The following OPCML variants were observed in gnomAD, a reference collection of about 807,000 sequenced individuals.
The protein encoded by OPCML is opioid binding protein/cell adhesion molecule like.
A neutral mutation model predicts 37.8 loss-of-function variants in OPCML; 13 were observed. The observed-to-expected ratio is 0.34, with a 90% CI of 0.22 to 0.55. The LOEUF (loss-of-function observed/expected upper bound fraction) is 0.55. OPCML is among the 20% of genes least tolerant of loss of function. The pLI is 0.91. For missense variants in OPCML, 341 were observed against 435.6 expected, an observed-to-expected ratio of 0.78 and a Z score of 1.93; for synonymous variants, 176 against 168.8, an observed-to-expected ratio of 1.04 and a Z score of -0.33.
At chr11:132,818,809 G>A (rs1173820993) in intron 2 of OPCML, among the ~76,000 whole-genome samples, 6 of 149,814 alleles carry the variant, frequency 4.0e-5, no homozygotes, top group Non-Finnish European at 7.4e-5. Flanking sequence ...CATAGCATTA[G>A]GAGATATACC....
intron 2 of OPCML, among the ~76,000 whole-genome samples, chr11:132,905,712 A>C (rs893295280): frequency 6.6e-6 from 1 of 152,194 alleles, no homozygotes; most frequent in Non-Finnish European, 1.5e-5. Context: ...TAAAAAAAAA[A>C]AGTGAGCCCT....
chr11:132,739,996 TTCCCCCACCCTG>T (rs1945386129), intron 2 of OPCML, among the ~76,000 whole-genome samples: 1 of 152,186 alleles, frequency 6.6e-6, no homozygotes, highest in South Asian at 2.1e-4. Flanking sequence ...GTCTATCTGT[TTCCCCCACCCTG>T]TGCAAAAAAG....
chr11:133,479,549 C>T (rs1296436458), intron 1 of OPCML, among the ~76,000 whole-genome samples: 1 of 152,204 alleles, frequency 6.6e-6, no homozygotes, highest in Non-Finnish European at 1.5e-5. Context: ...CTTTGCTGTG[C>T]ACACAGGCCC....
chr11:133,244,965 G>A (rs569104447), intron 1 of OPCML, among the ~76,000 whole-genome samples: 3 of 152,362 alleles, frequency 2.0e-5, no homozygotes, highest in South Asian at 2.1e-4. Flanking sequence ...CAGGCAACAG[G>A]CAGACAGGCC....
Position 133,442,726 on chromosome 11 carries a change from CGTGTGT to C in OPCML, c.61+89532_61+89537del, listed in dbSNP as rs371441649. ...GATTGCAAAAGCAAACATATTTAAA[CGTGTGT>C]GTGTGTGTGTGTGTGTGTGTGTGTG... On this transcript the variant is annotated intron_variant, in intron 1 of 7. Coordinates refer to ENST00000524381, the MANE Select transcript of OPCML (RefSeq NM_001012393.5). Among the ~76,000 whole-genome samples, 672 of 141,446 alleles carry C rather than the reference CGTGTGT, an allele frequency of 4.8e-3. 9 individuals are homozygous for C. The highest frequency in any genetic ancestry group is 0.016 in the African/African-American group (596 of 38,426). 92.8% of individuals were successfully genotyped at this position (141,446 alleles called of 152,430 possible). A position where few individuals can be genotyped will look rare whatever the true frequency, so the allele number is the denominator to read the frequency against.
At position 133,530,882 on chromosome 11, in the gene OPCML, T is replaced by C. The variant is rs1591605510; in HGVS notation, c.61+1382A>G. ...TTTCACTTTGGCATCTTAGGACTAC[T>C]CAGGGAATTATATTATTAAAAACAA... On this transcript the variant is annotated intron_variant, in intron 1 of 7. Transcript: ENST00000524381. 2.0e-5 allele frequency among the ~76,000 whole-genome samples: 3 copies of C among 152,314 alleles called. No individual in the cohort carries two copies. The Middle Eastern group carries it at 0.01, about 518-fold the overall frequency.
intron 2 of OPCML, among the ~76,000 whole-genome samples, chr11:132,935,239 T>TTGAGAAAA (rs1429565730): frequency 6.6e-6 from 1 of 152,200 alleles, no homozygotes; most frequent in Non-Finnish European, 1.5e-5. Flanking sequence ...AGAAATATCT[T>TTGAGAAAA]TGAGAAAATG....
chr11:132,649,501 C>G (rs879787782), intron 3 of OPCML, among the ~76,000 whole-genome samples: 1 of 151,892 alleles, frequency 6.6e-6, no homozygotes, highest in African/African-American at 2.4e-5. Flanking sequence ...GCGCAGGGGG[C>G]GGGGCAGGTG....
intron 1 of OPCML, among the ~76,000 whole-genome samples, chr11:133,227,162 C>T (rs1310597534): frequency 6.6e-6 from 1 of 152,146 alleles, no homozygotes; most frequent in African/African-American, 2.4e-5. Flanking sequence ...CCAATGGCCC[C>T]GGAGGGATCC....
intron 1 of OPCML, among the ~76,000 whole-genome samples, chr11:133,448,463 T>C (rs945101087): frequency 6.6e-6 from 1 of 152,042 alleles, no homozygotes; most frequent in African/African-American, 2.4e-5. Context: ...GTGTTTTTTG[T>C]TTTTTTGTTT....
chr11:132,950,867 T>G (rs141293917), intron 1 of OPCML, among the ~76,000 whole-genome samples: 1 of 152,302 alleles, frequency 6.6e-6, no homozygotes, highest in Non-Finnish European at 1.5e-5. Context: ...TAACATTGTT[T>G]GGAGATGAGG....
chr11:132,705,900 C>A (rs910083691), intron 2 of OPCML, among the ~76,000 whole-genome samples: 2 of 152,098 alleles, frequency 1.3e-5, no homozygotes, highest in African/African-American at 4.8e-5. Flanking sequence ...CTCCACCTCC[C>A]GGGTTCAAGT....
intron 1 of OPCML, among the ~76,000 whole-genome samples, chr11:133,099,442 C>CTTTTTTTTTTTTTTTTT (rs35161811): frequency 1.7e-5 from 2 of 119,484 alleles, no homozygotes; most frequent in South Asian, 2.6e-4. Context: ...TTCTTTTTTT[C>CTTTTTTTTTTTTTTTTT]TTTTTTTTTT....
intron 1 of OPCML, among the ~76,000 whole-genome samples, chr11:133,119,004 T>C (rs1384065314): frequency 6.6e-6 from 1 of 152,254 alleles, no homozygotes; most frequent in Admixed American, 6.5e-5. Flanking sequence ...TGTGTGAGGC[T>C]CTAAACAATT....
chr11:132,571,768 A>G (rs1229421037), intron 3 of OPCML, among the ~76,000 whole-genome samples: 1 of 152,124 alleles, frequency 6.6e-6, no homozygotes, highest in Non-Finnish European at 1.5e-5. Flanking sequence ...ATGGACCTCA[A>G]TTCTTTTGAA....
At chr11:132,521,427 G>A (rs1017752615) in intron 4 of OPCML, among the ~76,000 whole-genome samples, 3 of 151,980 alleles carry the variant, frequency 2.0e-5, no homozygotes, top group African/African-American at 7.2e-5. Flanking sequence ...ATTGCTTTTG[G>A]TGTTTTAGTA....
At chr11:133,482,715 A>G (rs988545833) in intron 1 of OPCML, among the ~76,000 whole-genome samples, 4 of 152,208 alleles carry the variant, frequency 2.6e-5, no homozygotes, top group Non-Finnish European at 5.9e-5. Flanking sequence ...TATGAAAACT[A>G]GCTTATTATA....
In OPCML at chr11:132,529,130, C is replaced by T. The variant is rs1446725115; in HGVS notation, c.436G>A (p.Val146Met). Residue 146 changes from valine to methionine, a missense_variant, in exon 4 of 8, where the codon GTG becomes ATG. By Grantham distance (21) the Val-to-Met change is conservative. Transcript: ENST00000524381. ...SDITVNEGSS[V>M]TLLCLAIGRP... The stretch of plus-strand genomic sequence containing the variant: ...CCAATAGCAAGACACAGCAGGGTCA[C>T]ACTGCTTCCCTCATTCACAGTGATG... 7 of 1,613,400 alleles carry T rather than the reference C, an allele frequency of 4.3e-6. No homozygotes were observed. The highest frequency in any genetic ancestry group is 5.9e-6 in the Non-Finnish European group (7 of 1,179,652).
chr11:133,181,922 C>G (rs1457172744), intron 1 of OPCML, among the ~76,000 whole-genome samples: 1 of 152,202 alleles, frequency 6.6e-6, no homozygotes, highest in Non-Finnish European at 1.5e-5. Context: ...CAACATCTGC[C>G]TGCACGGTGC....
Sources: gnomAD v4.1 joint callset for allele counts (sites outside exome capture counted in the v4.1 genomes callset) on GRCh38, gnomAD v4.1.1 for gene constraint, MANE v1.5 for transcripts, NCBI Gene and HGNC (gene_info 2026-07-23, HGNC 2026-07-21) for gene names.